RPL39: variants seen among roughly 807,000 people sequenced by gnomAD.
RPL39 encodes the protein ribosomal protein L39.
For missense variants in RPL39, 6 were observed against 37.2 expected (o/e 0.16, Z 2.18); for synonymous variants, 8 against 11.4 (o/e 0.70, Z 0.60).
chrX:119,789,700 A>C (rs1354647979), intron 2 of RPL39, among the ~76,000 whole-genome samples: 2 of 112,926 alleles, frequency 1.8e-5, no homozygotes, highest in African/African-American at 6.4e-5. Flanking sequence ...AGTATTGGAG[A>C]ATTATCTGCC....
At chrX:119,790,285 C>T in intron 1 of RPL39, 1 of 226,994 alleles carries the variant, frequency 4.4e-6, no homozygotes, top group East Asian at 8.0e-5. Flanking sequence ...AGGATTCAAA[C>T]CCAGGTCCTT....
chrX:119,791,072 G>A (rs1244644799), intron 1 of RPL39: 1 of 125,942 alleles, frequency 7.9e-6, no homozygotes, highest in African/African-American at 3.2e-5. Context: ...TGACGCTCAA[G>A]TCTCTGAATA....
intron 2 of RPL39, chrX:119,787,435 A>G: frequency 2.7e-6 from 1 of 375,311 alleles, no homozygotes; most frequent in South Asian, 2.3e-5. Flanking sequence ...TTTCAGCAGG[A>G]TAATGGCAGT....
chrX:119,790,275 A>G, intron 1 of RPL39: 1 of 247,520 alleles, frequency 4.0e-6, no homozygotes. Flanking sequence ...GTGCAGAACC[A>G]GGATTCAAAC....
intron 1 of RPL39, 182 bp from the exon 2 acceptor site, chrX:119,790,193 CCA>C (rs1019054369): frequency 5.4e-5 from 20 of 372,880 alleles, no homozygotes; most frequent in East Asian, 3.3e-4. Flanking sequence ...GGGGCAGATA[CCA>C]CAGTTTCCAT....
chrX:119,789,003 G>A lies in RPL39; in HGVS notation c.107+905C>T, dbSNP rs749782822. Among the ~76,000 whole-genome samples, 14 of 112,170 alleles carry A rather than the reference G, an allele frequency of 1.2e-4. No homozygotes were observed. The South Asian group carries it at 4.7e-3, about 38-fold the overall frequency. On this transcript the variant is annotated intron_variant, in intron 2 of 2. Coordinates refer to ENST00000361575, the MANE Select transcript of RPL39 (RefSeq NM_001000.4). Reference sequence around the variant, plus strand: ...GACTGGGCTAGGTGTGATGGCTCACGCCTGTAATCTCTGCACTTTGGTAGG... The same window carrying A: ...GACTGGGCTAGGTGTGATGGCTCACACCTGTAATCTCTGCACTTTGGTAGG...
At chrX:119,788,531 CA>C (rs11410623) in intron 2 of RPL39, among the ~76,000 whole-genome samples, 135 of 91,445 alleles carry the variant, frequency 1.5e-3, no homozygotes, top group South Asian at 5.5e-3. Flanking sequence ...AACTCCATCT[CA>C]AAAAAAAAAA....
chrX:119,789,699 G>GA (rs2055688928), intron 2 of RPL39, among the ~76,000 whole-genome samples: 1 of 112,910 alleles, frequency 8.9e-6, no homozygotes, highest in African/African-American at 3.2e-5. Context: ...AAGTATTGGA[G>GA]AATTATCTGC....
chrX:119,788,623 G>T (rs2055681332), intron 2 of RPL39, among the ~76,000 whole-genome samples: 1 of 111,649 alleles, frequency 9.0e-6, no homozygotes, highest in African/African-American at 3.2e-5. Context: ...GCCAGGCATG[G>T]TGGTGAACGC....
chrX:119,791,366 G>A (rs1156329170), intron 1 of RPL39: 2 of 315,593 alleles, frequency 6.3e-6, no homozygotes, highest in Admixed American at 6.2e-5. Flanking sequence ...CGCGGCCGCA[G>A]CGCAGCCCGT....
chrX:119,789,477 A>T (rs7057308), intron 2 of RPL39, among the ~76,000 whole-genome samples: 2,193 of 112,474 alleles, frequency 0.019, 59 homozygotes, highest in African/African-American at 0.067. Context: ...GAATCACTTG[A>T]ACCTGGGAGG....
At chrX:119,790,378 G>GA (rs1165765327) in intron 1 of RPL39, 1 of 131,169 alleles carries the variant, frequency 7.6e-6, no homozygotes, top group Non-Finnish European at 1.5e-5. Flanking sequence ...AATGGCTAGG[G>GA]AATCTGGCTT....
chrX:119,787,708 C>T (rs45601335), intron 2 of RPL39, among the ~76,000 whole-genome samples: 41,398 of 109,980 alleles, frequency 0.38, 6,147 homozygotes, highest in Non-Finnish European at 0.46. Flanking sequence ...TACAATGCAG[C>T]GGCCGGATCA....
chrX:119,788,429 G>C (rs1211627512), intron 2 of RPL39, among the ~76,000 whole-genome samples: 2 of 110,436 alleles, frequency 1.8e-5, no homozygotes, highest in East Asian at 5.6e-4. Context: ...CTACTTGGGA[G>C]GCTGAGCAAG....
At chrX:119,790,679 T>C (rs2055695086) in intron 1 of RPL39, 1 of 111,741 alleles carries the variant, frequency 8.9e-6, no homozygotes, top group African/African-American at 3.3e-5. Context: ...TGTCTCAATT[T>C]CTAGTTGCAT....
At chrX:119,787,682 A>T (rs917657261) in intron 2 of RPL39, among the ~76,000 whole-genome samples, 1 of 111,269 alleles carries the variant, frequency 9.0e-6, no homozygotes, top group African/African-American at 3.3e-5. Context: ...AGACAGGGTC[A>T]CACTGTTGCC....
intron 1 of RPL39, 54 bp from the exon 2 acceptor site, chrX:119,790,065 C>T (rs1430014062): frequency 1.3e-6 from 1 of 742,438 alleles, no homozygotes; most frequent in Non-Finnish European, 2.1e-6. Flanking sequence ...CCGAATGATT[C>T]AAAGTCAAGA....
At chrX:119,788,887 A>G (rs2055682923) in intron 2 of RPL39, among the ~76,000 whole-genome samples, 1 of 112,178 alleles carries the variant, frequency 8.9e-6, no homozygotes, top group African/African-American at 3.2e-5. Context: ...AATTCTAGTA[A>G]TGTTTTTCCT....
At chrX:119,790,520 T>A (rs753992687) in intron 1 of RPL39, 1 of 112,764 alleles carries the variant, frequency 8.9e-6, no homozygotes, top group East Asian at 2.8e-4. Context: ...TAATTAAGAC[T>A]TAGGGAAAGT....
Sources: allele counts gnomAD v4.1 joint callset (sites outside exome capture counted in the v4.1 genomes callset), GRCh38; gene constraint gnomAD v4.1.1; transcripts MANE v1.5; gene names NCBI Gene and HGNC (gene_info 2026-07-23, HGNC 2026-07-21).